The following EVL variants were observed in gnomAD, a reference collection of about 807,000 sequenced individuals.
EVL encodes Enah/Vasp-like, also known as ena/VASP-like protein.
A neutral mutation model predicts 59.6 loss-of-function variants in EVL; 21 were observed. The observed-to-expected ratio is 0.35, with a 90% CI of 0.25 to 0.51. The LOEUF is 0.51. EVL is among the 20% of genes least tolerant of loss of function. The pLI is 0.97. For synonymous variants in EVL, 198 were observed against 203.5 expected, an observed-to-expected ratio of 0.97 and a Z score of 0.23; for missense variants, 462 against 546.6, an observed-to-expected ratio of 0.85 and a Z score of 1.54.
chr14:100,127,853 G>A lies in EVL; in HGVS notation c.488-666G>A, dbSNP rs573545429. Among the ~76,000 whole-genome samples the A allele has an allele frequency of 3.3e-5, 5 of 152,330 alleles. No individual in the cohort carries two copies. Among genetic ancestry groups the A allele is most frequent in the East Asian group, 1.9e-4 (1 of 5,188 alleles). ...CAGCTTGCCACAGTCCTCCATCTGC[G>A]TTTACCTCTGCGATTCGTTGACTGT... On this transcript the variant is annotated intron_variant, in intron 5 of 13. Coordinates refer to ENST00000392920, the MANE Select transcript of EVL (RefSeq NM_016337.3). This position sits in a 1 kb window ranked among gnomAD's most constrained non-coding sequence, Gnocchi z 4.2.
intron 1 of EVL, among the ~76,000 whole-genome samples, chr14:100,050,504 C>T (rs34804741): frequency 0.029 from 4,382 of 151,906 alleles, 100 homozygotes; most frequent in Non-Finnish European, 0.046. Flanking sequence ...TGCCCGCCAT[C>T]GCACCCAGCT....
At chr14:100,044,092 C>T (rs1256434811) in intron 1 of EVL, among the ~76,000 whole-genome samples, 11 of 152,194 alleles carry the variant, frequency 7.2e-5, no homozygotes, top group Admixed American at 7.2e-4. Flanking sequence ...TAACACTTTA[C>T]CTGCTCTCTA....
At chr14:100,111,818 C>T (rs1478626918) in intron 3 of EVL, among the ~76,000 whole-genome samples, 1 of 152,222 alleles carries the variant, frequency 6.6e-6, no homozygotes, top group African/African-American at 2.4e-5. Flanking sequence ...AAACTTGCCC[C>T]AGGCCACTCT....
At position 99,972,171 on chromosome 14, in the gene EVL, T is replaced by C; in HGVS notation, c.5+114T>C. The C allele has an allele frequency of 4.3e-6, 1 of 233,290 alleles. No individual in the cohort carries two copies. Among genetic ancestry groups the C allele is most frequent in the Non-Finnish European group, 8.4e-6 (1 of 119,164 alleles). 14.5% of individuals were successfully genotyped at this position (233,290 alleles called of 1,614,324 possible). A position where few individuals can be genotyped will look rare whatever the true frequency, so the allele number is the denominator to read the frequency against. ...AGGGGGGCTCCACGGGCGCGGGGGC[T>C]TCCAGAGAACCGCGGGGGCTCTGCA... On this transcript the variant is annotated intron_variant, in intron 1 of 13. Transcript: ENST00000402714. The surrounding 1 kb of genome is among the most constrained non-coding windows in gnomAD (Gnocchi z 4.4).
Position 100,109,424 on chromosome 14 carries a change from G to A in EVL, c.358+11766G>A, listed in dbSNP as rs189669291. ...TTGGTGTCCCATTTGTTTGGACCCT[G>A]GGTTTGTTTGTCTAGACTGTGAGCT... On this transcript the variant is annotated intron_variant, in intron 3 of 13. Coordinates refer to ENST00000392920, the MANE Select transcript of EVL (RefSeq NM_016337.3). The surrounding 1 kb of genome is among the most constrained non-coding windows in gnomAD (Gnocchi z 4.3). 1 of 371,182 alleles carries A rather than the reference G, an allele frequency of 2.7e-6. No homozygotes were observed. The highest frequency in any genetic ancestry group is 2.0e-5 in the South Asian group (1 of 50,072). The allele number at this position is 371,182 out of a possible 1,614,324, so 23.0% of individuals were successfully genotyped here.
intron 8 of EVL, among the ~76,000 whole-genome samples, chr14:100,134,207 G>A (rs1254972148): frequency 6.6e-6 from 1 of 152,190 alleles, no homozygotes; most frequent in Non-Finnish European, 1.5e-5. Flanking sequence ...GCAGGCCACG[G>A]GATAATCACA....
At chr14:100,046,069 T>A (rs2061541374) in intron 1 of EVL, among the ~76,000 whole-genome samples, 1 of 152,176 alleles carries the variant, frequency 6.6e-6, no homozygotes, top group South Asian at 2.1e-4. Context: ...AATTTCAAAT[T>A]GTAGGATTCC....
intron 2 of EVL, among the ~76,000 whole-genome samples, chr14:100,088,848 G>A (rs572562947): frequency 1.2e-4 from 18 of 152,278 alleles, no homozygotes; most frequent in South Asian, 1.0e-3. Flanking sequence ...TTCAGCAAGT[G>A]TCCAGATCAG....
chr14:100,058,073 A>T (rs1447173187), intron 1 of EVL, among the ~76,000 whole-genome samples: 1 of 152,206 alleles, frequency 6.6e-6, no homozygotes, highest in Non-Finnish European at 1.5e-5. Context: ...AAGAGAAGTG[A>T]GGTTAGTCTG....
In EVL at chr14:100,141,168, T is replaced by G. The variant is rs1451113836; in HGVS notation, c.1095-12T>G. On this transcript the variant is annotated splice_polypyrimidine_tract_variant and intron_variant, in intron 11 of 13. Coordinates refer to ENST00000392920, the MANE Select transcript of EVL (RefSeq NM_016337.3). ...CTCCAGCCAGGGCACCCACAGGCCC[T>G]TTCTCTCCCAGGATGAAGCCTGCTG... 6.2e-7 allele frequency: 1 copy of G among 1,613,390 alleles called. No homozygotes were observed. Among genetic ancestry groups the G allele is most frequent in the South Asian group, 1.1e-5 (1 of 91,048 alleles).
chr14:100,003,057 C>T (rs1327890760), intron 1 of EVL, among the ~76,000 whole-genome samples: 1 of 152,184 alleles, frequency 6.6e-6, no homozygotes, highest in Non-Finnish European at 1.5e-5. Context: ...GCTGGTCTTG[C>T]ATCAGTGTAC....
In EVL at chr14:100,037,717, G is replaced by A. The variant is rs115389759; in HGVS notation, c.6-46970G>A. 5.5e-3 allele frequency among the ~76,000 whole-genome samples: 840 copies of A among 152,242 alleles called. 8 individuals carry two copies. Among genetic ancestry groups the A allele is most frequent in the African/African-American group, 0.019 (790 of 41,532 alleles). On this transcript the variant is annotated intron_variant, in intron 1 of 13. Transcript: ENST00000402714. ...CTTTTGGACATGGTATTTACCTTTCGCTTCCCCAGAGCAGACATGGCCAGT... is the reference window on the plus strand; with the variant it reads ...CTTTTGGACATGGTATTTACCTTTCACTTCCCCAGAGCAGACATGGCCAGT...
intron 1 of EVL, among the ~76,000 whole-genome samples, chr14:99,978,909 C>G (rs2060788152): frequency 6.6e-6 from 1 of 152,154 alleles, no homozygotes; most frequent in Non-Finnish European, 1.5e-5. Flanking sequence ...GCTAAACACT[C>G]GAGGCACATG....
At chr14:100,038,492 G>A (rs572970100) in intron 1 of EVL, among the ~76,000 whole-genome samples, 1 of 152,262 alleles carries the variant, frequency 6.6e-6, no homozygotes, top group South Asian at 2.1e-4. Context: ...GGACAGCCAG[G>A]GCTCTTAGTC....
At chr14:100,062,474 A>G (rs548456812), upstream of EVL, among the ~76,000 whole-genome samples, 1 of 152,154 alleles carries the variant, frequency 6.6e-6, no homozygotes, top group Non-Finnish European at 1.5e-5. Flanking sequence ...AGAAATTCAA[A>G]TGGAATTCTG....
rs78673619 is a variant in EVL at position 99,989,248 on chromosome 14, A to C, written c.5+17191A>C. ...TGGAGTGTCTCGGTTCCCTCCTGTC[A>C]CATCCAGGTGTCTTTTATCATTTCT... On this transcript the variant is annotated intron_variant, in intron 1 of 13. Coordinates refer to the EVL transcript ENST00000402714. Among the ~76,000 whole-genome samples, 70 of 152,254 alleles carry C rather than the reference A, an allele frequency of 4.6e-4. No homozygotes were observed. In the East Asian group the frequency reaches 0.013, roughly 29 times the overall value.
intron 1 of EVL, among the ~76,000 whole-genome samples, chr14:100,010,001 G>A (rs1428994520): frequency 6.6e-6 from 1 of 151,872 alleles, no homozygotes; most frequent in Non-Finnish European, 1.5e-5. Flanking sequence ...GAAACTCTCA[G>A]ACTTTAGAGA....
intron 1 of EVL, among the ~76,000 whole-genome samples, chr14:100,001,276 A>T (rs2060944728): frequency 6.6e-6 from 1 of 152,224 alleles, no homozygotes; most frequent in South Asian, 2.1e-4. Flanking sequence ...AACGGAAGGA[A>T]AAGGAAAAGA....
chr14:100,003,908 T>C (rs2060962071), intron 1 of EVL, among the ~76,000 whole-genome samples: 1 of 152,074 alleles, frequency 6.6e-6, no homozygotes, highest in African/African-American at 2.4e-5. Flanking sequence ...TTTAGACCTT[T>C]AAAAAAATGT....
Sources: gnomAD v4.1 joint callset for allele counts (sites outside exome capture counted in the v4.1 genomes callset) on GRCh38, gnomAD v4.1.1 for gene constraint, Gnocchi (gnomAD v3.1) non-coding constraint, MANE v1.5 for transcripts, NCBI Gene and HGNC (gene_info 2026-07-23, HGNC 2026-07-21) for gene names.